The following NUP107 variants were observed in gnomAD, a reference collection of about 807,000 sequenced individuals.
NUP107 encodes nuclear pore complex protein Nup107.
In NUP107, 101 loss-of-function variants were observed where a neutral mutation model predicts 141.0. The observed-to-expected ratio is 0.72, with a 90% CI of 0.61 to 0.84. NUP107 has a LOEUF of 0.84. Ranked by LOEUF, NUP107 falls within the 40% of genes least tolerant of loss-of-function variation. The pLI, the probability that NUP107 is intolerant of heterozygous loss-of-function variation, is 0.00. For missense variants in NUP107, 941 were observed against 1,102.7 expected (o/e 0.85, Z 2.08); for synonymous variants, 319 against 363.9 (o/e 0.88, Z 1.41).
intron 17 of NUP107, among the ~76,000 whole-genome samples, chr12:68,722,587 CCT>C (rs1419686618): frequency 2.6e-5 from 4 of 151,956 alleles, no homozygotes; most frequent in African/African-American, 4.8e-5. Flanking sequence ...TGGTTATTCC[CCT>C]GAGATGATAA....
intron 21 of NUP107, 63 bp downstream of exon 21, chr12:68,731,323 TA>T: frequency 6.8e-7 from 1 of 1,469,504 alleles, no homozygotes; most frequent in Non-Finnish European, 9.2e-7. Flanking sequence ...TTGGCTGTAG[TA>T]ACATTTGTCC....
At chr12:68,726,020 A>G (rs1555178691) in intron 18 of NUP107, among the ~76,000 whole-genome samples, 1 of 151,894 alleles carries the variant, frequency 6.6e-6, no homozygotes, top group Non-Finnish European at 1.5e-5. Context: ...TATTTTTAGT[A>G]GAGACGGGGT....
intron 5 of NUP107, 39 bp downstream of exon 5, chr12:68,692,151 C>T (rs766340699): frequency 3.9e-6 from 6 of 1,529,728 alleles, no homozygotes; most frequent in South Asian, 3.8e-5. Context: ...TAGCTTTTCA[C>T]TTTAGCAAGA....
intron 27 of NUP107, 147 bp downstream of exon 27, chr12:68,742,127 CT>C: frequency 1.3e-6 from 1 of 750,368 alleles, no homozygotes; most frequent in Non-Finnish European, 2.1e-6. Flanking sequence ...AATGTTTGTA[CT>C]TTTTTCCCAA....
rs371153888 is a variant in NUP107, at chr12:68,687,045, T to C, written c.-21T>C. ...GCTAAACTGCAGCCAACTTTGGTTGTGTGTGGAAAAGGCTTTAGCCATGGA... is the reference window on the plus strand; with the variant it reads ...GCTAAACTGCAGCCAACTTTGGTTGCGTGTGGAAAAGGCTTTAGCCATGGA... On this transcript the variant is annotated 5_prime_UTR_variant, in exon 1 of 28. Coordinates refer to ENST00000229179, the MANE Select transcript of NUP107 (RefSeq NM_020401.4). 6.2e-7 allele frequency: 1 copy of C among 1,614,010 alleles called. No individual in the cohort carries two copies. The highest frequency in any genetic ancestry group is 1.3e-5 in the African/African-American group (1 of 74,928).
At chr12:68,722,037 G>A (rs1877374897) in intron 16 of NUP107, 51 bp downstream of exon 16, 1 of 1,611,134 alleles carries the variant, frequency 6.2e-7, no homozygotes, top group East Asian at 2.2e-5. Flanking sequence ...CATGCTCTTT[G>A]ATGTTTCGTT....
chr12:68,712,159 A>G (rs573724693), intron 10 of NUP107, among the ~76,000 whole-genome samples: 5 of 152,248 alleles, frequency 3.3e-5, no homozygotes, highest in African/African-American at 4.8e-5. Context: ...GTGGCTGGGC[A>G]TGGTTTAAGA....
intron 6 of NUP107, among the ~76,000 whole-genome samples, chr12:68,699,005 T>TA (rs1565688073): frequency 6.6e-6 from 1 of 152,224 alleles, no homozygotes; most frequent in East Asian, 1.9e-4. Context: ...TAGATATTGA[T>TA]GGTGAGGGAG....
chr12:68,706,183 CA>C, intron 8 of NUP107: 1 of 766,852 alleles, frequency 1.3e-6, no homozygotes. Context: ...AGGATGATAT[CA>C]AAAAGCATAC....
chr12:68,695,794 C>T (rs1365189235), intron 5 of NUP107, among the ~76,000 whole-genome samples: 2 of 152,020 alleles, frequency 1.3e-5, no homozygotes. Context: ...TTTAATCCTA[C>T]CACTTTGGGA....
chr12:68,703,564 C>T (rs1876440128), intron 8 of NUP107, among the ~76,000 whole-genome samples: 1 of 152,012 alleles, frequency 6.6e-6, no homozygotes, highest in South Asian at 2.1e-4. Context: ...GATACTTCTG[C>T]CTCAGCCTCC....
At chr12:68,724,329 TA>T (rs1401758883) in intron 17 of NUP107, among the ~76,000 whole-genome samples, 1 of 152,062 alleles carries the variant, frequency 6.6e-6, no homozygotes, top group African/African-American at 2.4e-5. Flanking sequence ...AAATAAGACA[TA>T]AATAAATAGA....
chr12:68,735,580 T>A (rs565854254), intron 26 of NUP107, among the ~76,000 whole-genome samples: 1 of 152,322 alleles, frequency 6.6e-6, no homozygotes, highest in South Asian at 2.1e-4. Context: ...ATCTAATTTT[T>A]AAAAAATTCT....
chr12:68,711,127 C>T (rs938783661), intron 10 of NUP107, among the ~76,000 whole-genome samples: 5 of 147,826 alleles, frequency 3.4e-5, no homozygotes, highest in African/African-American at 1.2e-4. Flanking sequence ...TGGTGGCGGG[C>T]GGATCACGAA....
rs1875524102 is a variant in NUP107, at chr12:68,687,005, G to A, written c.-61G>A. On this transcript the variant is annotated 5_prime_UTR_variant, in exon 1 of 28. Coordinates refer to ENST00000229179, the MANE Select transcript of NUP107 (RefSeq NM_020401.4). The stretch of plus-strand genomic sequence containing the variant: ...AGGGCTTGCTTCCGGAGAGCGGGAA[G>A]GCTAAAACGCGGTAGCTAAACTGCA... 1 of 1,612,468 alleles carries A rather than the reference G, an allele frequency of 6.2e-7. No homozygotes were observed. Among genetic ancestry groups the A allele is most frequent in the Non-Finnish European group, 8.5e-7 (1 of 1,178,464 alleles).
chr12:68,703,214 T>A (rs1876419404), intron 8 of NUP107, among the ~76,000 whole-genome samples: 1 of 152,164 alleles, frequency 6.6e-6, no homozygotes, highest in Non-Finnish European at 1.5e-5. Context: ...AATAAAAAGT[T>A]CAGTCTCATA....
intron 5 of NUP107, among the ~76,000 whole-genome samples, chr12:68,694,674 G>T (rs769112720): frequency 6.6e-6 from 1 of 152,222 alleles, no homozygotes; most frequent in African/African-American, 2.4e-5. Flanking sequence ...GGCTGACGCG[G>T]GTGGATCACC....
At chr12:68,719,017 T>A (rs1228011817) in intron 12 of NUP107, among the ~76,000 whole-genome samples, 1 of 152,004 alleles carries the variant, frequency 6.6e-6, no homozygotes, top group East Asian at 1.9e-4. Flanking sequence ...GCCTCCCGAG[T>A]AGCTGGGATT....
chr12:68,707,105 C>G, intron 8 of NUP107: 1 of 563,716 alleles, frequency 1.8e-6, no homozygotes, highest in Non-Finnish European at 3.1e-6. Flanking sequence ...CCTACCCCTT[C>G]TGCGGCTGCC....
Sources: allele counts gnomAD v4.1 joint callset (sites outside exome capture counted in the v4.1 genomes callset), GRCh38; gene constraint gnomAD v4.1.1; transcripts MANE v1.5; gene names NCBI Gene and HGNC (gene_info 2026-07-23, HGNC 2026-07-21).